PTK2B: variants seen among roughly 807,000 people sequenced by gnomAD.
PTK2B encodes protein tyrosine kinase 2 beta, also known as protein-tyrosine kinase 2-beta.
Under a neutral mutation model 142.9 loss-of-function variants are expected in PTK2B, and 71 were observed. The observed-to-expected ratio is 0.50, with a 90% CI of 0.41 to 0.61. The LOEUF is 0.61. PTK2B is among the 20% of genes least tolerant of loss of function. The probability of loss-of-function intolerance (pLI) is 0.00; values close to 1 mark genes in which losing one functional copy is unlikely to be tolerated. For synonymous variants in PTK2B, 519 were observed against 503.4 expected (o/e 1.03, Z -0.42); for missense variants, 1,105 against 1,320.4 (o/e 0.84, Z 2.53).
intron 3 of PTK2B, among the ~76,000 whole-genome samples, chr8:27,314,078 G>A (rs1236530168): frequency 6.6e-6 from 1 of 152,202 alleles, no homozygotes; most frequent in Non-Finnish European, 1.5e-5. Context: ...AGGAAGAAAT[G>A]CATGTTCGTA....
At chr8:27,337,683 T>C (rs1385330252) in intron 1 of PTK2B, among the ~76,000 whole-genome samples, 5 of 152,248 alleles carry the variant, frequency 3.3e-5, no homozygotes, top group African/African-American at 1.2e-4. Flanking sequence ...TAACATCTAT[T>C]AGTACTTCGT....
intron 1 of PTK2B, among the ~76,000 whole-genome samples, chr8:27,382,031 C>T (rs1271590088): frequency 6.6e-6 from 1 of 152,174 alleles, no homozygotes; most frequent in African/African-American, 2.4e-5. Context: ...CTCACTGCAA[C>T]CTTTGCCTCC....
chr8:27,406,418 C>T (rs1448198471), intron 2 of PTK2B, among the ~76,000 whole-genome samples: 1 of 152,172 alleles, frequency 6.6e-6, no homozygotes, highest in East Asian at 1.9e-4. Context: ...TCACTGGTAC[C>T]TCCATTCAGG....
At chr8:27,336,424 A>G (rs528376416) in intron 1 of PTK2B, among the ~76,000 whole-genome samples, 89 of 152,292 alleles carry the variant, frequency 5.8e-4, no homozygotes, top group African/African-American at 2.0e-3. Flanking sequence ...ATGGAGAGTC[A>G]CTGTTACATC....
At chr8:27,375,607 T>C (rs1806618730) in intron 1 of PTK2B, among the ~76,000 whole-genome samples, 1 of 152,284 alleles carries the variant, frequency 6.6e-6, no homozygotes, top group Admixed American at 6.5e-5. Flanking sequence ...AGTGCTCTCA[T>C]TGACTGCCTC....
intron 7 of PTK2B, 31 bp downstream of exon 7, chr8:27,430,449 G>C: frequency 1.2e-6 from 2 of 1,612,488 alleles, no homozygotes; most frequent in South Asian, 1.1e-5. Context: ...GGACCTCTTC[G>C]TGCTGATTCC....
At chr8:27,326,051 G>GC (rs1803393170) in intron 1 of PTK2B, among the ~76,000 whole-genome samples, 1 of 152,064 alleles carries the variant, frequency 6.6e-6, no homozygotes, top group Non-Finnish European at 1.5e-5. Context: ...TTCAGCTCCT[G>GC]CCCCCGCTCC....
At chr8:27,310,890 T>C (rs1464753504), upstream of PTK2B, 1 of 1,612,850 alleles carries the variant, frequency 6.2e-7, no homozygotes, top group Non-Finnish European at 8.5e-7. Flanking sequence ...AGCAGCTCCT[T>C]GTCCTCGAGG....
intron 2 of PTK2B, among the ~76,000 whole-genome samples, chr8:27,418,066 A>T (rs745327117): frequency 3.3e-5 from 5 of 152,236 alleles, no homozygotes; most frequent in Non-Finnish European, 7.3e-5. Flanking sequence ...CCCAGTCTTC[A>T]TCCCCTCCAG....
Position 27,400,386 on chromosome 8 carries a change from G to A in PTK2B, c.204+2598G>A, listed in dbSNP as rs150110343. ...CCTCCTTTTAAACCACTAGATCTCTGGCCAATCATTTAGGGAACTTTTTCC... is the reference window on the plus strand; with the variant it reads ...CCTCCTTTTAAACCACTAGATCTCTAGCCAATCATTTAGGGAACTTTTTCC... On this transcript the variant is annotated intron_variant, in intron 2 of 30. Coordinates refer to ENST00000346049, the MANE Select transcript of PTK2B (RefSeq NM_173176.3). 3.7e-3 allele frequency among the ~76,000 whole-genome samples: 555 copies of A among 151,584 alleles called. 5 individuals carry two copies. The highest frequency in any genetic ancestry group is 0.013 in the African/African-American group (516 of 41,232).
intron 24 of PTK2B, among the ~76,000 whole-genome samples, chr8:27,446,529 G>C (rs924834459): frequency 5.9e-5 from 9 of 152,136 alleles, no homozygotes; most frequent in Non-Finnish European, 8.8e-5. Flanking sequence ...GCTGGCTTCT[G>C]ATTGTCAGGT....
rs1430309275 is a variant in PTK2B at position 27,459,045 on chromosome 8, G to C, written c.*536G>C. On this transcript the variant is annotated 3_prime_UTR_variant, in exon 31 of 31. Transcript: ENST00000346049. ...ATTTAATGTGAGTTTGGTCTGGACT[G>C]ACAGCATGTGCCCTCCTGAGGGAGG... The C allele has an allele frequency of 3.9e-6, 1 of 255,320 alleles. No homozygotes were observed. The highest frequency in any genetic ancestry group is 2.2e-5 in the African/African-American group (1 of 45,520). 15.8% of individuals were successfully genotyped at this position (255,320 alleles called of 1,614,324 possible).
chr8:27,365,167 A>G (rs1481088964), intron 1 of PTK2B, among the ~76,000 whole-genome samples: 11 of 152,230 alleles, frequency 7.2e-5, no homozygotes, highest in African/African-American at 2.7e-4. Flanking sequence ...TGCTCCCCAG[A>G]CATAATTTCA....
intron 20 of PTK2B, 49 bp from the exon 21 acceptor site, chr8:27,440,188 G>T: frequency 6.4e-7 from 1 of 1,574,496 alleles, no homozygotes; most frequent in Non-Finnish European, 8.7e-7. Context: ...TTCTGGGTGG[G>T]AGGGACTGGT....
At chr8:27,364,260 A>G (rs755814100) in intron 1 of PTK2B, among the ~76,000 whole-genome samples, 1 of 152,198 alleles carries the variant, frequency 6.6e-6, no homozygotes, top group Non-Finnish European at 1.5e-5. Context: ...AGCTCAGAGA[A>G]TGCACCTCAG....
chr8:27,417,439 G>T (rs1434546254), intron 2 of PTK2B, among the ~76,000 whole-genome samples: 2 of 151,402 alleles, frequency 1.3e-5, no homozygotes, highest in Non-Finnish European at 3.0e-5. Context: ...GGAGGTAGTG[G>T]GGCCATGAGG....
chr8:27,311,833 G>A (rs1231443752), intron 1 of PTK2B: 1 of 152,424 alleles, frequency 6.6e-6, no homozygotes, highest in Non-Finnish European at 1.5e-5. Flanking sequence ...AAACAAGAGA[G>A]GGGTGGCGGC....
intron 28 of PTK2B, 133 bp from the exon 29 acceptor site, chr8:27,454,021 C>T: frequency 7.7e-7 from 1 of 1,298,050 alleles, no homozygotes; most frequent in South Asian, 1.3e-5. Flanking sequence ...GGACAGGGCA[C>T]AATTATTCTA....
In PTK2B at chr8:27,389,177, G is replaced by C. The variant is rs145196821; in HGVS notation, c.-37-8371G>C. Among the ~76,000 whole-genome samples, 1,043 of 152,178 alleles carry C rather than the reference G, an allele frequency of 6.9e-3. 13 individuals are homozygous for C. The highest frequency in any genetic ancestry group is 0.024 in the African/African-American group (1,002 of 41,502). ...TTTACTGGATTATGATCTAATAGATGGGGACCTTCTTCCCTCTTCTGTTTA... is the reference window on the plus strand; with the variant it reads ...TTTACTGGATTATGATCTAATAGATCGGGACCTTCTTCCCTCTTCTGTTTA... On this transcript the variant is annotated intron_variant, in intron 1 of 30. Transcript: ENST00000346049.
Sources: gnomAD v4.1 joint callset for allele counts (sites outside exome capture counted in the v4.1 genomes callset) on GRCh38, gnomAD v4.1.1 for gene constraint, MANE v1.5 for transcripts, NCBI Gene and HGNC (gene_info 2026-07-23, HGNC 2026-07-21) for gene names.